FHIP2B: variants seen among roughly 807,000 people sequenced by gnomAD.
FHIP2B encodes the protein FHF complex subunit HOOK interacting protein 2B.
In FHIP2B, 72 loss-of-function variants were observed where a neutral mutation model predicts 84.0. The observed-to-expected ratio is 0.86, with a 90% confidence interval of 0.71 to 1.04. FHIP2B has a LOEUF of 1.04. Ranked by LOEUF, FHIP2B falls within the 50% of genes least tolerant of loss-of-function variation. FHIP2B has a pLI of 0.00. For missense variants in FHIP2B, 972 were observed against 968.9 expected, an observed-to-expected ratio of 1.00 and a Z score of -0.04; for synonymous variants, 497 against 418.7, an observed-to-expected ratio of 1.19 and a Z score of -2.28.
At chr8:22,098,805 C>G in intron 7 of FHIP2B, 143 bp from the exon 8 acceptor site, 1 of 937,136 alleles carries the variant, frequency 1.1e-6, no homozygotes, top group Admixed American at 2.5e-5. Context: ...TTTGCTGCCT[C>G]TGTCCATAAA....
chr8:22,092,152 T>C (rs6557791), intron 1 of FHIP2B, among the ~76,000 whole-genome samples: 93,984 of 152,118 alleles, frequency 0.62, 29,272 homozygotes, highest in Admixed American at 0.7. Context: ...CCCTGCGGAC[T>C]GAGGGGAGTT....
chr8:22,101,681 C>T (rs1465181164), intron 13 of FHIP2B, 27 bp from the exon 14 acceptor site: 3 of 1,593,054 alleles, frequency 1.9e-6, no homozygotes, highest in Non-Finnish European at 2.6e-6. Context: ...CCCAGGCCCA[C>T]TGCCTCTACT....
In FHIP2B at chr8:22,099,869, G is replaced by T. The variant is rs1327169051; in HGVS notation, c.1317G>T (p.Gly439=). The T allele has an allele frequency of 6.2e-7, 1 of 1,611,706 alleles. No homozygotes were observed. Among genetic ancestry groups the T allele is most frequent in the South Asian group, 1.1e-5 (1 of 90,600 alleles). ...NPHTLYAHLI[G]HCDHLSDEIS... The stretch of plus-strand genomic sequence containing the variant: ...ACACCCTGTATGCTCATCTCATCGG[G>T]CATTGTGACCACCTCTCTGATGAGG... The change falls in exon 10 of 17, where the codon GGG becomes GGT. Residue 439 remains glycine (G), a synonymous_variant. Transcript: ENST00000289921.
chr8:22,096,980 G>A, intron 3 of FHIP2B: 1 of 172,626 alleles, frequency 5.8e-6, no homozygotes, highest in Non-Finnish European at 1.2e-5. Context: ...GGAGATGGAG[G>A]CTGCAGTGAA....
chr8:22,094,300 C>T, intron 1 of FHIP2B, 140 bp from the exon 2 acceptor site: 1 of 703,354 alleles, frequency 1.4e-6, no homozygotes. Flanking sequence ...GTTATTCCTC[C>T]CTTTGAAAGC....
intron 2 of FHIP2B, 44 bp from the exon 3 acceptor site, chr8:22,096,293 G>T (rs775574428): frequency 5.5e-6 from 8 of 1,463,534 alleles, no homozygotes. Flanking sequence ...AAGCCGGGGT[G>T]CCCCTCTTTA....
chr8:22,100,691 C>CT lies in FHIP2B; in HGVS notation c.1441dup (p.Tyr481LeufsTer10), dbSNP rs747395469. On this transcript the variant is annotated frameshift_variant, in exon 11 of 17. Transcript: ENST00000289921. LOFTEE classifies it high-confidence loss of function. ...GTCCTGCGCAACCTTGAGGGCCGCCCTTACGTGGCCTGGGGCTCACCAGAG... is the reference window on the plus strand; with the variant it reads ...GTCCTGCGCAACCTTGAGGGCCGCCCTTTACGTGGCCTGGGGCTCACCAGAG... 6.2e-7 allele frequency: 1 copy of CT among 1,606,590 alleles called. No individual in the cohort carries two copies. Among genetic ancestry groups the CT allele is most frequent in the African/African-American group, 1.3e-5 (1 of 74,706 alleles).
At chr8:22,099,110 C>T (rs1055181623) in intron 8 of FHIP2B, 54 bp downstream of exon 8, 2 of 1,516,550 alleles carry the variant, frequency 1.3e-6, no homozygotes, top group Non-Finnish European at 1.8e-6. Flanking sequence ...GTACCATCTC[C>T]ATCTCGAGGA....
Position 22,100,042 on chromosome 8 carries a change from A to G in FHIP2B, c.1341+149A>G, listed in dbSNP as rs1014863491. The G allele has an allele frequency of 1.5e-5, 11 of 736,188 alleles. No individual in the cohort carries two copies. In the East Asian group the frequency reaches 2.0e-4, roughly 13 times the overall value. 45.6% of individuals were successfully genotyped at this position (736,188 alleles called of 1,614,324 possible). A position where few individuals can be genotyped will look rare whatever the true frequency, so the allele number is the denominator to read the frequency against. On this transcript the variant is annotated intron_variant, in intron 10 of 16. Transcript: ENST00000289921. ...CACTGCCGAGCCACTTTTATCACAC[A>G]CTAATTTTCTATGATCATATACTTT...
rs1825993843 is a variant in FHIP2B at position 22,099,687 on chromosome 8, G to A, written c.1152-17G>A. On this transcript the variant is annotated splice_polypyrimidine_tract_variant and intron_variant, in intron 9 of 16. Coordinates refer to ENST00000289921, the MANE Select transcript of FHIP2B (RefSeq NM_022749.7). ...TCTGCACACACCGGGCCTGGCTAAG[G>A]TGCCCTCTTCCCGTAGGTCCGAGCA... 2.6e-6 allele frequency: 4 copies of A among 1,555,044 alleles called. No homozygotes were observed. The highest frequency in any genetic ancestry group is 3.5e-6 in the Non-Finnish European group (4 of 1,156,714).
intron 1 of FHIP2B, among the ~76,000 whole-genome samples, chr8:22,091,045 T>C (rs1004550932): frequency 2.0e-5 from 3 of 152,142 alleles, no homozygotes; most frequent in Non-Finnish European, 4.4e-5. Flanking sequence ...ATATAGGCTA[T>C]GTCCGGGCGG....
chr8:22,089,347 C>T (rs1246820417), intron 1 of FHIP2B, 49 bp downstream of exon 1: 4 of 972,290 alleles, frequency 4.1e-6, no homozygotes, highest in Non-Finnish European at 3.7e-6. Context: ...CGGGCCTAGG[C>T]CGGGCTGGGC....
rs1457482091 is a variant in FHIP2B, at chr8:22,102,602, G to A, written c.2067G>A (p.Gln689=). Residue 689 remains glutamine (Q), a synonymous_variant, in exon 16 of 17, where the codon CAG becomes CAA. Transcript: ENST00000289921. ...FPGKLLLVRK[Q]LTGQAPGEQL... ...GCAAGCTGCTCCTGGTGCGCAAGCA[G>A]TTGACGGGCCAGGCTCCTGGGGAGC... The A allele has an allele frequency of 1.3e-6, 2 of 1,563,390 alleles. No homozygotes were observed. Among genetic ancestry groups the A allele is most frequent in the African/African-American group, 2.7e-5 (2 of 73,672 alleles).
intron 3 of FHIP2B, chr8:22,096,794 A>G (rs1173627130): frequency 2.8e-5 from 9 of 325,766 alleles, no homozygotes; most frequent in African/African-American, 1.9e-4. Flanking sequence ...ACACTCCACC[A>G]TCCCAGCGCT....
rs933078380 is a variant in FHIP2B at position 22,096,351 on chromosome 8, G to A, written c.139G>A (p.Ala47Thr). 1.1e-5 allele frequency: 17 copies of A among 1,558,418 alleles called. No individual in the cohort carries two copies. The highest frequency in any genetic ancestry group is 1.7e-4 in the Middle Eastern group (1 of 5,988). ...AACATCATTAGATGAAAGCACCCCCGCCAAGAAGACAGACATTCCCTGGCG... is the reference window on the plus strand; with the variant it reads ...AACATCATTAGATGAAAGCACCCCCACCAAGAAGACAGACATTCCCTGGCG... ...YIESTDESTP[A>T]KKTDIPWRLK... Residue 47 changes from alanine to threonine, a missense_variant, in exon 3 of 17, where the codon GCC (alanine) becomes ACC (threonine). Transcript: ENST00000289921.
rs1040004723 is a variant in FHIP2B at position 22,089,219 on chromosome 8, C to A, written c.-35C>A. ...CCTCCGCCTAGAGCGCTGCCGCCGC[C>A]GCTTTCGCCCGGGAGCCGGGGGCCG... On this transcript the variant is annotated 5_prime_UTR_variant, in exon 1 of 17. Transcript: ENST00000289921. 1.2e-4 allele frequency: 130 copies of A among 1,058,624 alleles called. 5 individuals carry two copies. The East Asian group carries it at 7.2e-3, about 59-fold the overall frequency. The allele number at this position is 1,058,624 out of a possible 1,614,324, so 65.6% of individuals were successfully genotyped here.
Position 22,101,458 on chromosome 8 carries a change from C to G in FHIP2B, c.1635C>G (p.Pro545=), listed in dbSNP as rs752701549. 4 of 1,610,884 alleles carry G rather than the reference C, an allele frequency of 2.5e-6. No individual in the cohort carries two copies. The highest frequency in any genetic ancestry group is 1.7e-5 in the Admixed American group (1 of 59,766). The change falls in exon 13 of 17, where the codon CCC becomes CCG. Residue 545 remains proline (P), a synonymous_variant. Coordinates refer to ENST00000289921, the MANE Select transcript of FHIP2B (RefSeq NM_022749.7). The part of the protein sequence containing the change: ...EIVNSFLCLV[P]EEAKTSAFLE... ...CTCTCAGTTTCCTGTGCCTGGTCCC[C>G]GAGGAAGCCAAGACCTCTGCCTTCC...
rs907571725 is a variant in FHIP2B, at chr8:22,089,204, G to C, written c.-50G>C. The C allele has an allele frequency of 5.7e-6, 6 of 1,050,492 alleles. No individual in the cohort carries two copies. The highest frequency in any genetic ancestry group is 6.9e-6 in the Non-Finnish European group (6 of 871,842). 65.1% of individuals were successfully genotyped at this position (1,050,492 alleles called of 1,614,324 possible). A position where few individuals can be genotyped will look rare whatever the true frequency, so the allele number is the denominator to read the frequency against. On this transcript the variant is annotated 5_prime_UTR_variant, in exon 1 of 17. Coordinates refer to ENST00000289921, the MANE Select transcript of FHIP2B (RefSeq NM_022749.7). ...GCCACGGGGCTGCCTCCTCCGCCTA[G>C]AGCGCTGCCGCCGCCGCTTTCGCCC...
chr8:22,100,587 G>A lies in FHIP2B; in HGVS notation c.1342-7G>A. 6.5e-7 allele frequency: 1 copy of A among 1,533,042 alleles called. No homozygotes were observed. The highest frequency in any genetic ancestry group is 8.8e-7 in the Non-Finnish European group (1 of 1,140,310). The allele number at this position is 1,533,042 out of a possible 1,614,324, so 95.0% of individuals were successfully genotyped here. On this transcript the variant is annotated splice_region_variant and splice_polypyrimidine_tract_variant and intron_variant, in intron 10 of 16. Transcript: ENST00000289921. ...GGGCTATCCTGCCGACCCCCTTCCT[G>A]CTCCAGATCAGCATCACCACACTCC...
Sources: gnomAD v4.1 joint callset for allele counts (sites outside exome capture counted in the v4.1 genomes callset) on GRCh38, gnomAD v4.1.1 for gene constraint, MANE v1.5 for transcripts, NCBI Gene and HGNC (gene_info 2026-07-23, HGNC 2026-07-21) for gene names.